HTR4: variants seen among roughly 807,000 people sequenced by gnomAD.
HTR4 encodes the protein 5-hydroxytryptamine (serotonin) receptor 4, G protein-coupled.
A neutral mutation model predicts 36.8 loss-of-function variants in HTR4; 16 were observed. The ratio of observed to expected loss-of-function variants is 0.43; its 90% CI spans 0.29 to 0.66. The LOEUF is 0.66. HTR4 is among the 30% of genes least tolerant of loss of function. The pLI, the probability that HTR4 is intolerant of heterozygous loss-of-function variation, is 0.13. For missense variants in HTR4, 438 were observed against 490.9 expected (o/e 0.89, Z 1.02); for synonymous variants, 189 against 185.1 (o/e 1.02, Z -0.17).
chr5:148,492,700 C>T (rs1244066759), intron 6 of HTR4, among the ~76,000 whole-genome samples: 3 of 152,224 alleles, frequency 2.0e-5, no homozygotes, highest in Non-Finnish European at 2.9e-5. Context: ...TTAACCTTAA[C>T]AAAAGCCCCA....
At chr5:148,571,115 A>G (rs1760657563) in intron 2 of HTR4, among the ~76,000 whole-genome samples, 1 of 152,124 alleles carries the variant, frequency 6.6e-6, no homozygotes, top group African/African-American at 2.4e-5. Flanking sequence ...CCATGATTCT[A>G]GAACATCCTA....
chr5:148,476,707 G>C (rs768672984), downstream of HTR4: 1 of 1,610,926 alleles, frequency 6.2e-7, no homozygotes, highest in Admixed American at 1.7e-5. Context: ...AAAAAAATGA[G>C]CAATAAGAAT....
intron 1 of HTR4, among the ~76,000 whole-genome samples, chr5:148,644,422 G>GTTTTTTTTTTTTTTTTTTTTTTT (rs1175588280): frequency 1.2e-4 from 5 of 40,618 alleles, no homozygotes; most frequent in African/African-American, 5.3e-4. Context: ...AAGCTCACAA[G>GTTTTTTTTTTTTTTTTTTTTTTT]TTTTTTTTTT....
At chr5:148,590,296 T>C (rs1238793189) in intron 2 of HTR4, among the ~76,000 whole-genome samples, 3 of 123,478 alleles carry the variant, frequency 2.4e-5, no homozygotes, top group Non-Finnish European at 3.4e-5. Flanking sequence ...TCTTTTTTTT[T>C]TTTTTTTTTT....
chr5:148,640,445 T>C (rs944939736), intron 1 of HTR4, among the ~76,000 whole-genome samples: 1 of 152,202 alleles, frequency 6.6e-6, no homozygotes, highest in Non-Finnish European at 1.5e-5. Context: ...AGAAAGACTC[T>C]GTATTTCCTC....
intron 6 of HTR4, among the ~76,000 whole-genome samples, chr5:148,495,980 T>A (rs928089278): frequency 6.6e-6 from 1 of 151,924 alleles, no homozygotes; most frequent in Non-Finnish European, 1.5e-5. Flanking sequence ...CTGGCGCCTG[T>A]AACCAGCTAC....
At chr5:148,589,764 G>A (rs557775496) in intron 2 of HTR4, among the ~76,000 whole-genome samples, 12 of 152,018 alleles carry the variant, frequency 7.9e-5, no homozygotes, top group African/African-American at 2.7e-4. Flanking sequence ...CATACAATAT[G>A]TGATATTTTA....
intron 2 of HTR4, among the ~76,000 whole-genome samples, chr5:148,590,725 C>G (rs963023865): frequency 1.3e-5 from 2 of 151,320 alleles, no homozygotes; most frequent in African/African-American, 4.9e-5. Context: ...AAATATTTTT[C>G]TTTATAGATG....
intron 2 of HTR4, among the ~76,000 whole-genome samples, chr5:148,592,401 A>C (rs747202789): frequency 6.6e-6 from 1 of 152,140 alleles, no homozygotes; most frequent in Non-Finnish European, 1.5e-5. Flanking sequence ...AGTTAAAAAA[A>C]GAAATTTTTT....
chr5:148,527,794 A>G (rs1758355368), intron 4 of HTR4, among the ~76,000 whole-genome samples: 1 of 152,086 alleles, frequency 6.6e-6, no homozygotes, highest in East Asian at 1.9e-4. Flanking sequence ...TTATATTTTT[A>G]GCAGGGACAG....
chr5:148,524,897 G>C (rs949400695), intron 4 of HTR4, among the ~76,000 whole-genome samples: 3 of 152,180 alleles, frequency 2.0e-5, no homozygotes, highest in African/African-American at 7.2e-5. Context: ...GTGGAATGAG[G>C]AGAGCCCCGT....
rs1245823242 is a variant in HTR4 at position 148,523,344 on chromosome 5, T to C, written c.356A>G (p.Tyr119Cys). Reference sequence around the variant, plus strand: ...CAAAGGCTGGCAGCAGATGGCGTAATACCTGGAGAGAGAATAGAGGGCAGA... The same window carrying C: ...CAAAGGCTGGCAGCAGATGGCGTAACACCTGGAGAGAGAATAGAGGGCAGA... The part of the protein sequence containing the change: ...FHLCCISLDR[Y>C]YAICCQPLVY... The change falls in exon 5 of 7, where the codon TAT becomes TGT. Residue 119 changes from tyrosine (Y) to cysteine (C), a missense_variant and splice_region_variant. Tyr to Cys is a radical substitution (Grantham distance 194). Transcript: ENST00000377888. 1.9e-6 allele frequency: 3 copies of C among 1,606,450 alleles called. No homozygotes were observed. Among genetic ancestry groups the C allele is most frequent in the Admixed American group, 1.7e-5 (1 of 58,192 alleles).
intron 6 of HTR4, chr5:148,490,891 C>T (rs1316300973): frequency 6.5e-6 from 3 of 458,212 alleles, no homozygotes; most frequent in Non-Finnish European, 1.3e-5. Context: ...AACCTCTTTG[C>T]TCTAAGCTCA....
Position 148,464,460 on chromosome 5 carries a change from G to A in HTR4, c.1077-13188C>T, listed in dbSNP as rs1394430145. ...CCTTAACAGACATCTCATCAAAGAAGATATTTAGATGGCAAATAAGCAAAT... is the reference window on the plus strand; with the variant it reads ...CCTTAACAGACATCTCATCAAAGAAAATATTTAGATGGCAAATAAGCAAAT... On this transcript the variant is annotated intron_variant, in intron 5 of 5. Transcript: ENST00000521530. Among the ~76,000 whole-genome samples, 4 of 152,112 alleles carry A rather than the reference G, an allele frequency of 2.6e-5. No individual in the cohort carries two copies. The South Asian group carries it at 8.3e-4, about 31-fold the overall frequency.
At chr5:148,484,435 T>G in intron 6 of HTR4, 1 of 1,528,222 alleles carries the variant, frequency 6.5e-7, no homozygotes, top group Non-Finnish European at 8.9e-7. Flanking sequence ...GAATCTTACT[T>G]ACACAAGCTA....
intron 2 of HTR4, among the ~76,000 whole-genome samples, chr5:148,589,793 A>T (rs116928822): frequency 0.017 from 2,528 of 152,208 alleles, 122 homozygotes; most frequent in East Asian, 0.11. Context: ...ACACATTTTT[A>T]AAAAATTAAA....
chr5:148,651,432 T>C (rs2127320803), intron 1 of HTR4, among the ~76,000 whole-genome samples: 1 of 152,328 alleles, frequency 6.6e-6, no homozygotes, highest in Middle Eastern at 3.4e-3. Context: ...GGACTCGTGC[T>C]TGAATTACAG....
At chr5:148,479,052 A>G (rs1755794448), downstream of HTR4, among the ~76,000 whole-genome samples, 1 of 151,866 alleles carries the variant, frequency 6.6e-6, no homozygotes, top group Admixed American at 6.6e-5. Flanking sequence ...GCTTAACCTC[A>G]ATCCAAGACC....
chr5:148,608,235 A>C (rs1752261493), intron 2 of HTR4, among the ~76,000 whole-genome samples: 1 of 152,242 alleles, frequency 6.6e-6, no homozygotes, highest in African/African-American at 2.4e-5. Context: ...ACTGGGTAAA[A>C]TAAGCAGTGC....
Sources: allele counts gnomAD v4.1 joint callset (sites outside exome capture counted in the v4.1 genomes callset), GRCh38; gene constraint gnomAD v4.1.1; transcripts MANE v1.5; gene names NCBI Gene and HGNC (gene_info 2026-07-23, HGNC 2026-07-21).